The following ANO3 variants were observed in gnomAD, a reference collection of about 807,000 sequenced individuals.
The protein encoded by ANO3 is anoctamin-3.
ANO3 carries 99 observed loss-of-function variants against 144.8 expected under a neutral mutation model. That is an observed-to-expected ratio of 0.68 (90% CI 0.58 to 0.81). ANO3 has a LOEUF of 0.81. Among genes scored for constraint, ANO3 ranks in the 30% least tolerant of loss-of-function variants. The probability of loss-of-function intolerance (pLI) is 0.00; values close to 1 mark genes in which losing one functional copy is unlikely to be tolerated. For synonymous variants in ANO3, 414 were observed against 392.6 expected (o/e 1.05, Z -0.64); for missense variants, 905 against 1,202.2 (o/e 0.75, Z 3.66).
intron 1 of ANO3, among the ~76,000 whole-genome samples, chr11:26,362,368 A>ACT (rs1236378669): frequency 1.3e-5 from 2 of 152,160 alleles, no homozygotes; most frequent in Non-Finnish European, 2.9e-5. Flanking sequence ...TATGTAACTT[A>ACT]AGTAAGTTCG....
At chr11:26,307,440 C>A (rs1435619732), upstream of ANO3, among the ~76,000 whole-genome samples, 1 of 152,030 alleles carries the variant, frequency 6.6e-6, no homozygotes, top group Non-Finnish European at 1.5e-5. Flanking sequence ...GTGGCTCACG[C>A]CTGTAATCCC....
chr11:26,545,639 T>G (rs919944712), intron 11 of ANO3, among the ~76,000 whole-genome samples: 4 of 151,928 alleles, frequency 2.6e-5, no homozygotes, highest in African/African-American at 9.7e-5. Context: ...TCCACATGGT[T>G]TCATTGTATG....
At chr11:26,536,112 G>A (rs1160405496) in intron 9 of ANO3, among the ~76,000 whole-genome samples, 1 of 92,760 alleles carries the variant, frequency 1.1e-5, no homozygotes, top group Non-Finnish European at 2.4e-5. Context: ...CTGAGATCAG[G>A]GGTTCAAGAC....
chr11:26,537,114 G>C (rs1849530905), intron 9 of ANO3, among the ~76,000 whole-genome samples: 1 of 151,640 alleles, frequency 6.6e-6, no homozygotes, highest in Non-Finnish European at 1.5e-5. Flanking sequence ...TTGCTTCTGG[G>C]TCACATGATC....
rs146455441 is a variant in ANO3 at position 26,364,418 on chromosome 11, G to C, written c.46+32097G>C. On this transcript the variant is annotated intron_variant, in intron 1 of 26. Coordinates refer to ENST00000256737, the MANE Select transcript of ANO3 (RefSeq NM_031418.4). ...AGGCCCATCCCTCTAAATCTCCCCG[G>C]GTTAGGCCACTCTTGTGTTGCTGTA... is the stretch of plus-strand genomic sequence containing the variant. Among the ~76,000 whole-genome samples, 468 of 152,200 alleles carry C rather than the reference G, an allele frequency of 3.1e-3. 2 individuals are homozygous for C. Among genetic ancestry groups the C allele is most frequent in the African/African-American group, 0.011 (449 of 41,540 alleles).
intron 1 of ANO3, among the ~76,000 whole-genome samples, chr11:26,210,452 G>C (rs1025253926): frequency 2.6e-5 from 4 of 152,098 alleles, no homozygotes; most frequent in Non-Finnish European, 5.9e-5. Context: ...ACTTAGAATT[G>C]TCTTGGCTAT....
intron 4 of ANO3, among the ~76,000 whole-genome samples, chr11:26,499,958 C>T (rs1861125758): frequency 6.6e-6 from 1 of 151,902 alleles, no homozygotes. Flanking sequence ...AGGAATTATT[C>T]TCCATTCTAC....
rs189320202 is a variant in ANO3 at position 26,607,269 on chromosome 11, G to A, written c.1836+7555G>A. Among the ~76,000 whole-genome samples the A allele has an allele frequency of 9.6e-3, 1,456 of 151,782 alleles. 28 individuals are homozygous for A. Among genetic ancestry groups the A allele is most frequent in the African/African-American group, 0.029 (1,203 of 41,382 alleles). ...CCCTTAATATTTTTTCCTTCATTTC[G>A]ACCTTGGAGAATCTGATAACTATGT... On this transcript the variant is annotated intron_variant, in intron 17 of 26. Coordinates refer to ENST00000256737, the MANE Select transcript of ANO3 (RefSeq NM_031418.4).
chr11:26,189,183 G>C, exon 1 of ANO3: 1 of 984,976 alleles, frequency 1.0e-6, no homozygotes. Context: ...TGCAATGTCA[G>C]TTTTAAAATT....
At chr11:26,284,010 A>G (rs1304611037) in intron 1 of ANO3, among the ~76,000 whole-genome samples, 1 of 152,156 alleles carries the variant, frequency 6.6e-6, no homozygotes, top group East Asian at 1.9e-4. Flanking sequence ...CATGTGGGGG[A>G]ACTGTGCTGG....
intron 1 of ANO3, among the ~76,000 whole-genome samples, chr11:26,367,336 A>T (rs2133933579): frequency 6.6e-6 from 1 of 152,298 alleles, no homozygotes; most frequent in South Asian, 2.1e-4. Flanking sequence ...AACAGAATGC[A>T]CCAAGCTTTT....
chr11:26,227,452 A>G (rs895653800), intron 1 of ANO3, among the ~76,000 whole-genome samples: 1 of 152,112 alleles, frequency 6.6e-6, no homozygotes, highest in Non-Finnish European at 1.5e-5. Context: ...TTGAGTATGC[A>G]TGTGTATATA....
At chr11:26,639,581 G>T (rs1406252818) in intron 21 of ANO3, among the ~76,000 whole-genome samples, 1 of 152,124 alleles carries the variant, frequency 6.6e-6, no homozygotes, top group Non-Finnish European at 1.5e-5. Flanking sequence ...ATTTTCCGGG[G>T]TGTTTCTTTT....
At chr11:26,500,327 G>A (rs189600269) in intron 4 of ANO3, among the ~76,000 whole-genome samples, 36 of 152,126 alleles carry the variant, frequency 2.4e-4, no homozygotes, top group Non-Finnish European at 3.7e-4. Context: ...ATACCTAGGA[G>A]TGAAACTGAT....
intron 1 of ANO3, among the ~76,000 whole-genome samples, chr11:26,216,591 G>A (rs990403171): frequency 1.3e-5 from 2 of 151,946 alleles, no homozygotes; most frequent in Admixed American, 6.6e-5. Flanking sequence ...TTATGTGCAA[G>A]CTTTGTATGA....
chr11:26,472,038 G>A (rs1277158471), intron 4 of ANO3, among the ~76,000 whole-genome samples: 2 of 151,998 alleles, frequency 1.3e-5, no homozygotes, highest in African/African-American at 4.8e-5. Flanking sequence ...TTGATGGGAT[G>A]TGAAAGTAAA....
chr11:26,466,313 A>G (rs1468795555), intron 4 of ANO3, among the ~76,000 whole-genome samples: 8 of 151,994 alleles, frequency 5.3e-5, no homozygotes, highest in African/African-American at 1.9e-4. Flanking sequence ...TTATATTTAA[A>G]TATTTCAGAG....
intron 1 of ANO3, among the ~76,000 whole-genome samples, chr11:26,402,689 T>C (rs1285614740): frequency 1.3e-5 from 2 of 151,760 alleles, no homozygotes; most frequent in Admixed American, 1.3e-4. Context: ...AGGGGAACAA[T>C]ACACACTGGG....
intron 4 of ANO3, among the ~76,000 whole-genome samples, chr11:26,464,436 T>A (rs752819420): frequency 6.6e-6 from 1 of 151,818 alleles, no homozygotes; most frequent in Admixed American, 6.6e-5. Flanking sequence ...AATGTGCATA[T>A]AGCACTGACT....
Sources: allele counts gnomAD v4.1 joint callset (sites outside exome capture counted in the v4.1 genomes callset), GRCh38; gene constraint gnomAD v4.1.1; transcripts MANE v1.5; gene names NCBI Gene and HGNC (gene_info 2026-07-23, HGNC 2026-07-21).